Variants in MCC observed in about 807,000 individuals in gnomAD.
MCC encodes the protein colorectal mutant cancer protein.
In MCC, 90 loss-of-function variants were observed where a neutral mutation model predicts 116.2. The ratio of observed to expected loss-of-function variants is 0.77; its 90% CI spans 0.65 to 0.92. The LOEUF (loss-of-function observed/expected upper bound fraction) is 0.92, where lower values mean the gene tolerates loss of function less well. Among genes scored for constraint, MCC ranks in the 40% least tolerant of loss-of-function variants. MCC has a pLI of 0.00. For synonymous variants in MCC, 578 were observed against 510.5 expected (o/e 1.13, Z -1.78); for missense variants, 1,516 against 1,312.2 (o/e 1.16, Z -2.40).
intron 3 of MCC, among the ~76,000 whole-genome samples, chr5:113,274,599 G>A (rs1765751334): frequency 6.6e-6 from 1 of 152,118 alleles, no homozygotes; most frequent in Non-Finnish European, 1.5e-5. Context: ...GACCTTTAGT[G>A]GTCCGACCGC....
intron 4 of MCC, among the ~76,000 whole-genome samples, chr5:113,149,253 T>A (rs1356651829): frequency 6.6e-6 from 1 of 151,908 alleles, no homozygotes; most frequent in Non-Finnish European, 1.5e-5. Context: ...AAAAAAACAC[T>A]GTAAAACAAA....
intron 3 of MCC, among the ~76,000 whole-genome samples, chr5:113,339,388 T>C (rs1334365750): frequency 6.7e-6 from 1 of 149,700 alleles, no homozygotes; most frequent in Non-Finnish European, 1.5e-5. Context: ...CTAAAGTCCA[T>C]ATTTTATCTA....
At chr5:113,233,151 G>T (rs1032055477) in intron 3 of MCC, among the ~76,000 whole-genome samples, 1 of 152,128 alleles carries the variant, frequency 6.6e-6, no homozygotes, top group African/African-American at 2.4e-5. Flanking sequence ...TTTATCTGAG[G>T]CTATCAGAGG....
chr5:113,040,899 A>G (rs1210990286), intron 17 of MCC, among the ~76,000 whole-genome samples: 1 of 152,220 alleles, frequency 6.6e-6, no homozygotes, highest in Non-Finnish European at 1.5e-5. Context: ...TCCTTGTGCC[A>G]GCAAAGGCCT....
At chr5:113,215,284 G>C (rs967718378) in intron 3 of MCC, among the ~76,000 whole-genome samples, 2 of 152,150 alleles carry the variant, frequency 1.3e-5, no homozygotes, top group African/African-American at 2.4e-5. Context: ...ACAACTTGGT[G>C]GGGGGAGGAA....
intron 3 of MCC, among the ~76,000 whole-genome samples, chr5:113,196,370 C>T (rs181430729): frequency 7.9e-5 from 12 of 152,244 alleles, no homozygotes; most frequent in Admixed American, 2.6e-4. Context: ...GCAGTAGGGC[C>T]CATAGCAACC....
chr5:113,258,843 T>A (rs987515356), intron 3 of MCC, among the ~76,000 whole-genome samples: 4 of 152,244 alleles, frequency 2.6e-5, no homozygotes, highest in Non-Finnish European at 5.9e-5. Context: ...ATAAAATATA[T>A]AAAGTAATAT....
intron 8 of MCC, among the ~76,000 whole-genome samples, chr5:113,085,624 T>A (rs1189720820): frequency 6.6e-6 from 1 of 152,216 alleles, no homozygotes; most frequent in African/African-American, 2.4e-5. Flanking sequence ...CATCACCTAT[T>A]CTTCACAAGC....
At chr5:113,347,187 G>A (rs1251077438) in intron 2 of MCC, among the ~76,000 whole-genome samples, 1 of 152,132 alleles carries the variant, frequency 6.6e-6, no homozygotes, top group African/African-American at 2.4e-5. Context: ...GGAAAAGACA[G>A]AATATTATAA....
intron 5 of MCC, among the ~76,000 whole-genome samples, chr5:113,130,976 C>T (rs10074230): frequency 0.055 from 8,417 of 152,266 alleles, 517 homozygotes; most frequent in African/African-American, 0.15. Flanking sequence ...GCCTCATCTC[C>T]AAATACCATC....
At chr5:113,318,453 A>G (rs773731124) in intron 3 of MCC, among the ~76,000 whole-genome samples, 46 of 152,224 alleles carry the variant, frequency 3.0e-4, no homozygotes, top group Non-Finnish European at 6.0e-4. Context: ...ATACTTCAAA[A>G]TGTTTATTTA....
At chr5:113,265,973 A>G (rs528294905) in intron 3 of MCC, among the ~76,000 whole-genome samples, 7 of 152,276 alleles carry the variant, frequency 4.6e-5, no homozygotes, top group African/African-American at 1.4e-4. Flanking sequence ...ATAGGTAGGG[A>G]AAACAAGCCA....
chr5:113,073,085 T>A (rs1270932819), intron 11 of MCC, among the ~76,000 whole-genome samples: 1 of 152,036 alleles, frequency 6.6e-6, no homozygotes, highest in East Asian at 1.9e-4. Context: ...TTTGCAATTT[T>A]TTTTTTTTTC....
intron 3 of MCC, among the ~76,000 whole-genome samples, chr5:113,192,712 C>T (rs1762205412): frequency 6.6e-6 from 1 of 152,176 alleles, no homozygotes; most frequent in Non-Finnish European, 1.5e-5. Flanking sequence ...ACAACACAGT[C>T]CAAACAAGGA....
chr5:113,359,874 G>A (rs1298954133), intron 2 of MCC, among the ~76,000 whole-genome samples: 1 of 152,180 alleles, frequency 6.6e-6, no homozygotes, highest in Non-Finnish European at 1.5e-5. Context: ...TGGTCCATAT[G>A]AGTTTAAGAT....
At chr5:113,188,693 A>G (rs1048126422) in intron 3 of MCC, among the ~76,000 whole-genome samples, 1 of 152,132 alleles carries the variant, frequency 6.6e-6, no homozygotes, top group African/African-American at 2.4e-5. Flanking sequence ...CTGTTTAATC[A>G]TGATGTAGGC....
intron 3 of MCC, among the ~76,000 whole-genome samples, chr5:113,175,893 T>A (rs1167170842): frequency 1.4e-5 from 2 of 146,552 alleles, no homozygotes; most frequent in Admixed American, 6.9e-5. Flanking sequence ...AGATCTAGAT[T>A]AAAAAAAAAA....
At chr5:113,412,681 T>C (rs1411393438) in intron 1 of MCC, among the ~76,000 whole-genome samples, 2 of 152,186 alleles carry the variant, frequency 1.3e-5, no homozygotes, top group African/African-American at 2.4e-5. Context: ...GCTGAGATGA[T>C]GGGGTTTTCT....
intron 1 of MCC, among the ~76,000 whole-genome samples, chr5:113,438,412 A>T (rs1427319906): frequency 6.6e-6 from 1 of 152,210 alleles, no homozygotes; most frequent in African/African-American, 2.4e-5. Context: ...ACTCTCGGAA[A>T]GTAACTTGAT....
Sources: allele counts gnomAD v4.1 joint callset (sites outside exome capture counted in the v4.1 genomes callset), GRCh38; gene constraint gnomAD v4.1.1; transcripts MANE v1.5; gene names NCBI Gene and HGNC (gene_info 2026-07-23, HGNC 2026-07-21).